The following HPS3 variants were observed in gnomAD, a reference collection of about 807,000 sequenced individuals.
HPS3 encodes BLOC-2 complex member HPS3.
Under a neutral mutation model 110.9 loss-of-function variants are expected in HPS3, and 79 were observed. That is an observed-to-expected ratio of 0.71 (90% CI 0.59 to 0.86). The LOEUF is 0.86. HPS3 is among the 40% of genes least tolerant of loss of function. HPS3 has a pLI of 0.00. For missense variants in HPS3, 1,197 were observed against 1,206.2 expected (o/e 0.99, Z 0.11); for synonymous variants, 428 against 451.0 (o/e 0.95, Z 0.65).
At chr3:149,160,434 G>A (rs759450639) in intron 11 of HPS3, among the ~76,000 whole-genome samples, 155 bp downstream of exon 11, 3 of 152,124 alleles carry the variant, frequency 2.0e-5, no homozygotes, top group South Asian at 2.1e-4. Flanking sequence ...ATGGGACTTC[G>A]GATCTGGCAA....
At position 149,172,001 on chromosome 3, in the gene HPS3, G is replaced by A. The variant is rs1725041914; in HGVS notation, c.2888-94G>A. On this transcript the variant is annotated intron_variant, in intron 16 of 16. Transcript: ENST00000296051. ...ATTACAGGCGTGAGCCACCACGCCT[G>A]GCCTGAACTGGCTTCTAATTGGTTG... The A allele has an allele frequency of 3.9e-6, 5 of 1,284,430 alleles. No homozygotes were observed. In the Admixed American group the frequency reaches 8.7e-5, roughly 22 times the overall value. The allele number at this position is 1,284,430 out of a possible 1,614,324, so 79.6% of individuals were successfully genotyped here.
intron 4 of HPS3, 151 bp downstream of exon 4, chr3:149,141,531 G>GTTTTT (rs10718838): frequency 1.3e-4 from 49 of 382,580 alleles, no homozygotes; most frequent in African/African-American, 7.2e-4. Flanking sequence ...TTTTTTTTTT[G>GTTTTT]TTTTTTTTTT....
At chr3:149,136,143 CCT>C (rs1722076560) in intron 1 of HPS3, among the ~76,000 whole-genome samples, 1 of 151,680 alleles carries the variant, frequency 6.6e-6, no homozygotes, top group East Asian at 1.9e-4. Flanking sequence ...ATAGTGAAAC[CCT>C]GTTTCTACAT....
intron 14 of HPS3, among the ~76,000 whole-genome samples, chr3:149,166,782 A>G (rs921396126): frequency 2.6e-5 from 4 of 152,214 alleles, no homozygotes; most frequent in Admixed American, 6.5e-5. Context: ...TGCAGTCCAC[A>G]CAAAGCAAAT....
chr3:149,162,308 T>C lies in HPS3; in HGVS notation c.2267T>C (p.Ile756Thr). The C allele has an allele frequency of 6.2e-7, 1 of 1,613,988 alleles. No homozygotes were observed. The highest frequency in any genetic ancestry group is 8.5e-7 in the Non-Finnish European group (1 of 1,179,926). ...TTGCAGAAGAACAACAAAATTGGAA[T>C]TGAAGAAGCAGATTCCTTTTTTAAG... ...LGLQKNNKIG[I>T]EEADSFFKVL... The change falls in exon 12 of 17, where the codon ATT becomes ACT. Residue 756 changes from isoleucine to threonine, a missense_variant. Transcript: ENST00000296051.
rs778369550 is a variant in HPS3 at position 149,172,165 on chromosome 3, T to G, written c.2958T>G (p.Thr986=). 1.6e-5 allele frequency: 26 copies of G among 1,613,122 alleles called. No homozygotes were observed. The Admixed American group carries it at 4.3e-4, about 27-fold the overall frequency. ...DFMNVLPEDG[T]ATFFLPYLLY... ...TGAATGTTCTCCCAGAAGATGGTAC[T>G]GCAACATTTTTCTTGCCATATCTTC... is the stretch of plus-strand genomic sequence containing the variant. The change falls in exon 17 of 17, where the codon ACT becomes ACG. Residue 986 remains threonine, a synonymous_variant. Transcript: ENST00000296051.
chr3:149,137,796 G>A (rs998176530), intron 1 of HPS3, among the ~76,000 whole-genome samples: 3 of 152,162 alleles, frequency 2.0e-5, no homozygotes, highest in Admixed American at 6.5e-5. Context: ...TATAATGGTG[G>A]TCTCACCCTG....
At chr3:149,130,243 C>G (rs1442137329) in intron 1 of HPS3, 3 of 493,626 alleles carry the variant, frequency 6.1e-6, no homozygotes, top group Admixed American at 7.1e-5. Context: ...CTTAAGCAAA[C>G]AACAACAAAA....
chr3:149,158,285 C>T (rs547682170), intron 9 of HPS3, among the ~76,000 whole-genome samples: 156 of 152,006 alleles, frequency 1.0e-3, no homozygotes, highest in African/African-American at 3.5e-3. Flanking sequence ...TTTTAGAGTC[C>T]GATCATGAAT....
intron 4 of HPS3, 108 bp downstream of exon 4, chr3:149,141,488 C>A: frequency 1.2e-6 from 1 of 861,028 alleles, no homozygotes; most frequent in Non-Finnish European, 2.0e-6. Flanking sequence ...TTGGTTCTTC[C>A]ACTGGAGTCT....
At chr3:149,163,331 G>C (rs1332787834) in intron 13 of HPS3, among the ~76,000 whole-genome samples, 1 of 152,124 alleles carries the variant, frequency 6.6e-6, no homozygotes, top group Non-Finnish European at 1.5e-5. Flanking sequence ...CTGTTCTGTG[G>C]CACTTGAGGC....
At chr3:149,147,236 A>G (rs1334151084) in intron 5 of HPS3, among the ~76,000 whole-genome samples, 2 of 152,240 alleles carry the variant, frequency 1.3e-5, no homozygotes, top group African/African-American at 2.4e-5. Context: ...TGAGATGCTT[A>G]TAGATTATCA....
At chr3:149,137,998 A>T (rs1415233974) in intron 1 of HPS3, among the ~76,000 whole-genome samples, 3 of 152,122 alleles carry the variant, frequency 2.0e-5, no homozygotes, top group African/African-American at 4.8e-5. Flanking sequence ...CAATAAAAAA[A>T]ATTTATTTAT....
intron 7 of HPS3, among the ~76,000 whole-genome samples, chr3:149,154,884 C>A (rs1212558965): frequency 6.6e-6 from 1 of 152,202 alleles, no homozygotes; most frequent in Non-Finnish European, 1.5e-5. Context: ...GAATTGGAAG[C>A]AGTTGGTTTA....
chr3:149,141,975 C>T (rs143595958), intron 4 of HPS3, among the ~76,000 whole-genome samples: 2,750 of 152,078 alleles, frequency 0.018, 91 homozygotes, highest in African/African-American at 0.063. Flanking sequence ...CTCAGACTCC[C>T]GAGTAGCTGG....
Position 149,172,431 on chromosome 3 carries a change from C to T in HPS3, c.*209C>T. On this transcript the variant is annotated 3_prime_UTR_variant, in exon 17 of 17. Coordinates refer to ENST00000296051, the MANE Select transcript of HPS3 (RefSeq NM_032383.5). ...CTATTCACTTCTTAATTTATGACCT[C>T]AATCAATTTAATTGTCTAGAATGTA... The T allele has an allele frequency of 2.1e-6, 1 of 478,956 alleles. No homozygotes were observed. Among genetic ancestry groups the T allele is most frequent in the Non-Finnish European group, 3.8e-6 (1 of 262,864 alleles). The allele number at this position is 478,956 out of a possible 1,614,324, so 29.7% of individuals were successfully genotyped here.
intron 11 of HPS3, among the ~76,000 whole-genome samples, chr3:149,161,509 T>C (rs13101135): frequency 0.026 from 1,816 of 71,214 alleles, 15 homozygotes; most frequent in South Asian, 0.044. Context: ...CCCCACACCC[T>C]TTTTTTTTTT....
At chr3:149,145,674 G>T in intron 5 of HPS3, 128 bp downstream of exon 5, 1 of 797,950 alleles carries the variant, frequency 1.3e-6, no homozygotes, top group Admixed American at 1.8e-5. Flanking sequence ...ACATGTCATT[G>T]TAAGTCTGTC....
At position 149,141,366 on chromosome 3, in the gene HPS3, C is replaced by G. The variant is rs944688815; in HGVS notation, c.956C>G (p.Pro319Arg). Residue 319 changes from proline (P) to arginine (R), a missense_variant, in exon 4 of 17, where the codon CCC becomes CGC. By Grantham distance (103) the Pro-to-Arg change is moderately radical. Coordinates refer to ENST00000296051, the MANE Select transcript of HPS3 (RefSeq NM_032383.5). Reference sequence around the variant, plus strand: ...AAGCTACATTCCCTCCAGCTGCTACCCATTTACCAGACCGGTAAGCATGAC... The same window carrying G: ...AAGCTACATTCCCTCCAGCTGCTACGCATTTACCAGACCGGTAAGCATGAC... ...DIKLHSLQLL[P>R]IYQTGSLTSD... 6.2e-7 allele frequency: 1 copy of G among 1,613,166 alleles called. No individual in the cohort carries two copies. The highest frequency in any genetic ancestry group is 1.1e-5 in the South Asian group (1 of 91,062).
Sources: allele counts gnomAD v4.1 joint callset (sites outside exome capture counted in the v4.1 genomes callset), GRCh38; gene constraint gnomAD v4.1.1; transcripts MANE v1.5; gene names NCBI Gene and HGNC (gene_info 2026-07-23, HGNC 2026-07-21).